Variants in THSD4 observed in about 807,000 individuals in gnomAD.
The protein encoded by THSD4 is thrombospondin type 1 domain containing 4.
In THSD4, 69 loss-of-function variants were observed where a neutral mutation model predicts 119.0. The ratio of observed to expected loss-of-function variants is 0.58; its 90% confidence interval spans 0.48 to 0.71. The LOEUF is 0.71. THSD4 is among the 30% of genes least tolerant of loss of function. The pLI is 0.00. For missense variants in THSD4, 1,393 were observed against 1,391.1 expected, an observed-to-expected ratio of 1.00 and a Z score of -0.02; for synonymous variants, 524 against 540.4, an observed-to-expected ratio of 0.97 and a Z score of 0.42.
intron 1 of THSD4, among the ~76,000 whole-genome samples, chr15:71,122,407 A>G (rs1478769841): frequency 1.3e-5 from 2 of 152,178 alleles, no homozygotes; most frequent in African/African-American, 2.4e-5. Flanking sequence ...TGACTCCAAA[A>G]CAAATACTGG....
chr15:71,578,792 G>A (rs912565946), intron 7 of THSD4, among the ~76,000 whole-genome samples: 6 of 151,388 alleles, frequency 4.0e-5, no homozygotes, highest in Non-Finnish European at 1.5e-5. Flanking sequence ...ATGATATTTG[G>A]TGTTATCTTT....
rs369831164 is a variant in THSD4, at chr15:71,341,260, C to T, written c.1016-70427C>T. 233 of 1,593,374 alleles carry T rather than the reference C, an allele frequency of 1.5e-4. 2 individuals are homozygous for T. The East Asian group carries it at 2.9e-3, about 20-fold the overall frequency. On this transcript the variant is annotated intron_variant, in intron 6 of 17. Transcript: ENST00000261862. ...GTTTAGGAACAATCTGTTCCTTTTCCGTAAGGATCATCTCAATGTGGCAGG... is the reference window on the plus strand; with the variant it reads ...GTTTAGGAACAATCTGTTCCTTTTCTGTAAGGATCATCTCAATGTGGCAGG...
rs75877381 is a variant in THSD4 at position 71,625,746 on chromosome 15, C to CT, written c.1153-34783dup. ...TATATTCCAAGCACTGTGCTCAATG[C>CT]TAGGAGTGCAGGATGAGGAAAATTT... On this transcript the variant is annotated intron_variant, in intron 7 of 17. Coordinates refer to ENST00000261862, the MANE Select transcript of THSD4 (RefSeq NM_024817.3). Among the ~76,000 whole-genome samples, 1,335 of 152,254 alleles carry CT rather than the reference C, an allele frequency of 8.8e-3. 82 individuals are homozygous for CT. In the East Asian group the frequency reaches 0.17, roughly 20 times the overall value.
At chr15:71,155,937 C>T (rs1005754982) in intron 3 of THSD4, among the ~76,000 whole-genome samples, 42 of 152,208 alleles carry the variant, frequency 2.8e-4, no homozygotes, top group African/African-American at 7.5e-4. Flanking sequence ...GCCAGCCTCC[C>T]GGGCCATAGG....
At chr15:71,695,926 CTTAAT>C (rs1309026268) in intron 8 of THSD4, among the ~76,000 whole-genome samples, 3 of 152,120 alleles carry the variant, frequency 2.0e-5, no homozygotes, top group Non-Finnish European at 4.4e-5. Context: ...GGGCAAGTTA[CTTAAT>C]TTATCTGTAA....
At chr15:71,454,478 C>A (rs1186282419) in intron 7 of THSD4, among the ~76,000 whole-genome samples, 1 of 152,252 alleles carries the variant, frequency 6.6e-6, no homozygotes, top group Non-Finnish European at 1.5e-5. Context: ...GCCCCTCTCC[C>A]AGCTGTGGGG....
At chr15:71,588,641 C>T (rs986252369) in intron 7 of THSD4, among the ~76,000 whole-genome samples, 1 of 151,940 alleles carries the variant, frequency 6.6e-6, no homozygotes, top group Non-Finnish European at 1.5e-5. Flanking sequence ...ACCACGTTAC[C>T]CAGGCTGGTC....
chr15:71,341,229 C>T lies in THSD4; in HGVS notation c.1016-70458C>T, dbSNP rs1363887133. The stretch of plus-strand genomic sequence containing the variant: ...ATCTTTTTCTTCTGGGCAACCTCCT[C>T]TTCTGGTTTAGGAACAATCTGTTCC... On this transcript the variant is annotated intron_variant, in intron 6 of 17. Coordinates refer to ENST00000261862, the MANE Select transcript of THSD4 (RefSeq NM_024817.3). The T allele has an allele frequency of 2.5e-6, 4 of 1,592,630 alleles. No homozygotes were observed. In the South Asian group the frequency reaches 4.4e-5, roughly 18 times the overall value.
intron 7 of THSD4, among the ~76,000 whole-genome samples, chr15:71,527,708 CTTTTTTTT>C (rs10635101): frequency 2.5e-5 from 2 of 79,748 alleles, no homozygotes; most frequent in East Asian, 4.9e-4. Context: ...TGTTTATCCT[CTTTTTTTT>C]TTTTTTTTTT....
At chr15:71,413,986 C>A (rs183600457) in intron 7 of THSD4, among the ~76,000 whole-genome samples, 1 of 152,228 alleles carries the variant, frequency 6.6e-6, no homozygotes, top group Non-Finnish European at 1.5e-5. Context: ...GCAACTGTTT[C>A]ATTTCCTGAA....
chr15:71,234,737 A>G (rs1221709700), intron 4 of THSD4, among the ~76,000 whole-genome samples: 3 of 152,206 alleles, frequency 2.0e-5, no homozygotes, highest in South Asian at 4.1e-4. Flanking sequence ...CAGTTTTTCC[A>G]ATTTAAAGAA....
chr15:71,119,564 T>A (rs1596207426), intron 1 of THSD4, among the ~76,000 whole-genome samples: 1 of 151,656 alleles, frequency 6.6e-6, no homozygotes, highest in Non-Finnish European at 1.5e-5. Context: ...GCCCGAGGGG[T>A]CTTTAGTTCA....
chr15:71,764,446 G>A (rs1285675341), intron 15 of THSD4, among the ~76,000 whole-genome samples: 2 of 152,228 alleles, frequency 1.3e-5, no homozygotes, highest in African/African-American at 4.8e-5. Context: ...CACCACATTA[G>A]GAAACAAGAA....
At chr15:71,772,943 T>G (rs187825128) in intron 17 of THSD4, among the ~76,000 whole-genome samples, 2 of 152,108 alleles carry the variant, frequency 1.3e-5, no homozygotes, top group Non-Finnish European at 2.9e-5. Context: ...ATGCAATGGC[T>G]CACACCTGTA....
intron 7 of THSD4, among the ~76,000 whole-genome samples, chr15:71,631,871 T>C (rs4776565): frequency 0.26 from 40,185 of 152,058 alleles, 6,102 homozygotes; most frequent in East Asian, 0.62. Context: ...GGAACTATCA[T>C]TCCGTCCAAT....
chr15:71,762,061 T>C (rs2723350), intron 15 of THSD4, among the ~76,000 whole-genome samples: 51 of 152,282 alleles, frequency 3.3e-4, no homozygotes, highest in African/African-American at 1.2e-3. Context: ...TCATCTGTCT[T>C]TCATTGTTCA....
chr15:71,751,551 T>C (rs1281546777), intron 14 of THSD4, among the ~76,000 whole-genome samples: 2 of 152,184 alleles, frequency 1.3e-5, no homozygotes, highest in African/African-American at 2.4e-5. Context: ...ACTTAATTAT[T>C]ATAAGCATAA....
chr15:71,600,654 C>T (rs1199735121), intron 7 of THSD4, among the ~76,000 whole-genome samples: 1 of 152,162 alleles, frequency 6.6e-6, no homozygotes, highest in Non-Finnish European at 1.5e-5. Flanking sequence ...ATTAACTGAA[C>T]ACTCATTACA....
chr15:71,578,457 T>C (rs2049497086), intron 7 of THSD4, among the ~76,000 whole-genome samples: 1 of 152,180 alleles, frequency 6.6e-6, no homozygotes, highest in African/African-American at 2.4e-5. Context: ...GGTTAAATTA[T>C]ATAAACTTTG....
Sources: allele counts gnomAD v4.1 joint callset (sites outside exome capture counted in the v4.1 genomes callset), GRCh38; gene constraint gnomAD v4.1.1; transcripts MANE v1.5; gene names NCBI Gene and HGNC (gene_info 2026-07-23, HGNC 2026-07-21).